PCDHGA5: variants seen among roughly 807,000 people sequenced by gnomAD.
PCDHGA5 encodes protocadherin gamma subfamily A, 5.
Under a neutral mutation model 56.7 loss-of-function variants are expected in PCDHGA5, and 36 were observed. The ratio of observed to expected loss-of-function variants is 0.64; its 90% confidence interval spans 0.49 to 0.84. The LOEUF is 0.84. Among genes scored for constraint, PCDHGA5 ranks in the 40% least tolerant of loss-of-function variants. The pLI is 0.00. For synonymous variants in PCDHGA5, 563 were observed against 520.2 expected (o/e 1.08, Z -1.12); for missense variants, 1,305 against 1,201.5 (o/e 1.09, Z -1.27).
chr5:141,418,273 A>C, intron 1 of PCDHGA5: 1 of 1,614,082 alleles, frequency 6.2e-7, no homozygotes, highest in South Asian at 1.1e-5. Context: ...AAGATGAAAT[A>C]AACTTAGAAA....
chr5:141,413,122 G>A, intron 1 of PCDHGA5: 1 of 1,525,890 alleles, frequency 6.6e-7, no homozygotes. Flanking sequence ...GGAACCGGTT[G>A]AAACACACAA....
In PCDHGA5 at chr5:141,493,026, C is replaced by T. The variant is rs73280358; in HGVS notation, c.2422-1781C>T. 6.6e-6 allele frequency among the ~76,000 whole-genome samples: 1 copy of T among 152,190 alleles called. No individual in the cohort carries two copies. The highest frequency in any genetic ancestry group is 1.5e-5 in the Non-Finnish European group (1 of 68,034). Reference sequence around the variant, plus strand: ...TAGGCTCTGCCAGATGCCAGGGTGCCCTTATGTGTGAGGAAACTACAATAG... The same window carrying T: ...TAGGCTCTGCCAGATGCCAGGGTGCTCTTATGTGTGAGGAAACTACAATAG... On this transcript the variant is annotated intron_variant, in intron 1 of 3. Coordinates refer to ENST00000518069, the MANE Select transcript of PCDHGA5 (RefSeq NM_018918.3). This position sits in a 1 kb window ranked among gnomAD's most constrained non-coding sequence, Gnocchi z 4.3.
At position 141,366,272 on chromosome 5, in the gene PCDHGA5, G is replaced by A. The variant is rs749693337; in HGVS notation, c.1942G>A (p.Asp648Asn). 1 of 1,613,608 alleles carries A rather than the reference G, an allele frequency of 6.2e-7. No homozygotes were observed. Residue 648 changes from aspartate to asparagine, a missense_variant, in exon 1 of 4, where the codon GAC (aspartate) becomes AAC (asparagine). By Grantham distance (23) the Asp-to-Asn change is conservative. Coordinates refer to ENST00000518069, the MANE Select transcript of PCDHGA5 (RefSeq NM_018918.3). ...GCAGAGCCTCGTGGTGGCCGTCGAA[G>A]ACCATGGCCAGCCCCCTCTGTCAGC... ...LKQSLVVAVEDHGQPPLSATF... is the reference protein window; with the variant it reads ...LKQSLVVAVENHGQPPLSATF...
In PCDHGA5 at chr5:141,486,752, C is replaced by G. The variant is rs776406247; in HGVS notation, c.2422-8055C>G. On this transcript the variant is annotated intron_variant, in intron 1 of 3. Transcript: ENST00000518069. The surrounding 1 kb of genome is among the most constrained non-coding windows in gnomAD (Gnocchi z 5.0). ...TGCTACTCGATCCTTTGACTATGAG[C>G]AAACCCAGACACTGCAGTTTGAGGT... 6.2e-7 allele frequency: 1 copy of G among 1,614,244 alleles called. No individual in the cohort carries two copies. The highest frequency in any genetic ancestry group is 1.3e-5 in the African/African-American group (1 of 75,080).
In PCDHGA5 at chr5:141,390,150, C is replaced by A. The variant is rs768850867; in HGVS notation, c.2421+23399C>A. The A allele has an allele frequency of 3.7e-6, 6 of 1,613,916 alleles. No homozygotes were observed. The African/African-American group carries it at 8.0e-5, about 22-fold the overall frequency. On this transcript the variant is annotated intron_variant, in intron 1 of 3. Transcript: ENST00000518069. ...TTATTCCTACAATCTATGTGTTGCA[C>A]ATACAGGAAAGACGGAGTTTAATTT...
At chr5:141,427,896 C>T in intron 1 of PCDHGA5, 2 of 1,570,508 alleles carry the variant, frequency 1.3e-6, no homozygotes, top group Non-Finnish European at 1.7e-6. Context: ...CCAGGGCTCG[C>T]CCGCGCTCAG....
chr5:141,496,163 A>T (rs1249396595), intron 2 of PCDHGA5, among the ~76,000 whole-genome samples: 2 of 150,100 alleles, frequency 1.3e-5, no homozygotes, highest in Non-Finnish European at 3.0e-5. Flanking sequence ...TCCACCAGAC[A>T]CCCTCCCATC....
At chr5:141,434,453 T>C (rs1172243323) in intron 1 of PCDHGA5, among the ~76,000 whole-genome samples, 1 of 152,226 alleles carries the variant, frequency 6.6e-6, no homozygotes, top group Non-Finnish European at 1.5e-5. Context: ...TGGAAGGTAG[T>C]GGGTTTACCG....
chr5:141,371,078 C>G (rs776361776), intron 1 of PCDHGA5: 7 of 1,613,888 alleles, frequency 4.3e-6, no homozygotes, highest in Non-Finnish European at 5.9e-6. Context: ...CCACCCAGAT[C>G]AGGGTAATTG....
chr5:141,371,107 A>G (rs202073589), intron 1 of PCDHGA5: 391 of 1,613,532 alleles, frequency 2.4e-4, no homozygotes, highest in Non-Finnish European at 3.2e-4. Flanking sequence ...GCAAATGATA[A>G]CCCCCCAGTA....
intron 1 of PCDHGA5, among the ~76,000 whole-genome samples, chr5:141,471,999 T>C (rs577046645): frequency 3.9e-5 from 6 of 152,230 alleles, no homozygotes; most frequent in Admixed American, 2.0e-4. Flanking sequence ...AATCCCTGCA[T>C]CGTATAGGGG....
chr5:141,497,413 T>C (rs572922456), intron 2 of PCDHGA5, among the ~76,000 whole-genome samples: 8 of 152,046 alleles, frequency 5.3e-5, no homozygotes, highest in Admixed American at 5.2e-4. Context: ...TCCCATTCCA[T>C]CAAATGAGAG....
rs780665474 is a variant in PCDHGA5 at position 141,371,288 on chromosome 5, G to C, written c.2421+4537G>C. The C allele has an allele frequency of 2.5e-6, 4 of 1,613,874 alleles. No homozygotes were observed. The East Asian group carries it at 6.7e-5, about 27-fold the overall frequency. ...AACTGTTCAAGCTGGACAGTAAAAC[G>C]GGGGAACTCACCACTATTGGAGAAC... On this transcript the variant is annotated intron_variant, in intron 1 of 3. Transcript: ENST00000518069.
intron 1 of PCDHGA5, chr5:141,404,026 A>T: frequency 6.2e-7 from 1 of 1,613,874 alleles, no homozygotes; most frequent in Non-Finnish European, 8.5e-7. Context: ...CAGTGAGAGA[A>T]GACGCACCTC....
At chr5:141,385,227 A>G (rs781548290) in intron 1 of PCDHGA5, 1 of 1,614,220 alleles carries the variant, frequency 6.2e-7, no homozygotes, top group South Asian at 1.1e-5. Context: ...CCAACTATGT[A>G]GACATGCTCA....
At chr5:141,444,138 C>CTTGTGTG (rs2098418688) in intron 1 of PCDHGA5, among the ~76,000 whole-genome samples, 1 of 122,946 alleles carries the variant, frequency 8.1e-6, no homozygotes, top group South Asian at 2.7e-4. Flanking sequence ...ATATGTGTCA[C>CTTGTGTG]TTGTGTGTAC....
intron 1 of PCDHGA5, among the ~76,000 whole-genome samples, chr5:141,438,637 C>G (rs11958903): frequency 3.2e-5 from 1 of 30,940 alleles, no homozygotes. Context: ...TATATATATA[C>G]ACACACACAC....
chr5:141,443,288 C>T (rs2098378643), intron 1 of PCDHGA5, among the ~76,000 whole-genome samples: 1 of 150,180 alleles, frequency 6.7e-6, no homozygotes, highest in Non-Finnish European at 1.5e-5. Context: ...TGAGACCAGC[C>T]TGGACAGCAT....
chr5:141,373,098 C>T (rs1402463048), intron 1 of PCDHGA5, among the ~76,000 whole-genome samples: 2 of 152,208 alleles, frequency 1.3e-5, no homozygotes, highest in Non-Finnish European at 2.9e-5. Flanking sequence ...CTGTCATTTT[C>T]AGACATATCT....
Sources: gnomAD v4.1 joint callset for allele counts (sites outside exome capture counted in the v4.1 genomes callset) on GRCh38, gnomAD v4.1.1 for gene constraint, Gnocchi (gnomAD v3.1) non-coding constraint, MANE v1.5 for transcripts, NCBI Gene and HGNC (gene_info 2026-07-23, HGNC 2026-07-21) for gene names.